KCTD8: variants seen among roughly 807,000 people sequenced by gnomAD.
KCTD8 encodes the protein BTB/POZ domain-containing protein KCTD8.
KCTD8 carries 27 observed loss-of-function variants against 31.5 expected under a neutral mutation model. The observed-to-expected ratio is 0.86, with a 90% CI of 0.63 to 1.18. The LOEUF is 1.18. KCTD8 is among the 50% of genes most tolerant of loss of function. The probability of loss-of-function intolerance (pLI) is 0.00; values close to 1 mark genes in which losing one functional copy is unlikely to be tolerated. For missense variants in KCTD8, 658 were observed against 647.7 expected (o/e 1.02, Z -0.17); for synonymous variants, 290 against 280.0 (o/e 1.04, Z -0.36).
chr4:44,242,096 A>G (rs904662341), intron 1 of KCTD8, among the ~76,000 whole-genome samples: 3 of 152,218 alleles, frequency 2.0e-5, no homozygotes, highest in African/African-American at 7.2e-5. Context: ...AAATCTGGAA[A>G]GTGAAAGGCT....
chr4:44,256,788 T>C (rs563688821), intron 1 of KCTD8, among the ~76,000 whole-genome samples: 1 of 151,980 alleles, frequency 6.6e-6, no homozygotes, highest in East Asian at 1.9e-4. Context: ...CTCTGGAAGC[T>C]GGAAAAGGCA....
intron 1 of KCTD8, among the ~76,000 whole-genome samples, chr4:44,357,766 T>C (rs1719382302): frequency 9.9e-5 from 15 of 152,054 alleles, no homozygotes; most frequent in Admixed American, 9.8e-4. Context: ...TTTTTTTTCA[T>C]ACATTGTACC....
intron 1 of KCTD8, among the ~76,000 whole-genome samples, chr4:44,187,761 G>A (rs1005398045): frequency 1.3e-5 from 2 of 152,096 alleles, no homozygotes; most frequent in East Asian, 1.9e-4. Context: ...GGTGGCTCCG[G>A]GAGGGAAAAA....
intron 1 of KCTD8, among the ~76,000 whole-genome samples, chr4:44,270,567 C>A (rs1249202828): frequency 2.6e-5 from 4 of 151,466 alleles, no homozygotes; most frequent in Non-Finnish European, 5.9e-5. Flanking sequence ...AAGAAGGTGA[C>A]CTTAGGCCTT....
intron 1 of KCTD8, among the ~76,000 whole-genome samples, chr4:44,192,937 A>G (rs1202678133): frequency 1.3e-5 from 2 of 152,168 alleles, no homozygotes; most frequent in Non-Finnish European, 2.9e-5. Flanking sequence ...CAAGTTCTTC[A>G]GCTTTGGGAC....
At chr4:44,442,174 CT>C (rs11341139) in intron 1 of KCTD8, among the ~76,000 whole-genome samples, 97,581 of 150,884 alleles carry the variant, frequency 0.65, 31,728 homozygotes, top group South Asian at 0.79. Context: ...TAAAACTGCA[CT>C]TTTTTTTTTA....
chr4:44,413,367 C>T (rs1055261755), intron 1 of KCTD8, among the ~76,000 whole-genome samples: 1 of 152,118 alleles, frequency 6.6e-6, no homozygotes, highest in African/African-American at 2.4e-5. Flanking sequence ...GTAACTGAAA[C>T]TTTAAAACAC....
At chr4:44,207,267 T>C (rs532789278) in intron 1 of KCTD8, among the ~76,000 whole-genome samples, 1 of 152,350 alleles carries the variant, frequency 6.6e-6, no homozygotes, top group East Asian at 1.9e-4. Context: ...GGTGAAGTTA[T>C]ATGAATGTTA....
intron 1 of KCTD8, among the ~76,000 whole-genome samples, chr4:44,385,768 C>A (rs939997146): frequency 2.6e-5 from 4 of 151,464 alleles, no homozygotes; most frequent in African/African-American, 4.8e-5. Context: ...GAAAAGACAA[C>A]CCACAGAATG....
At chr4:44,343,877 T>C (rs904993876) in intron 1 of KCTD8, among the ~76,000 whole-genome samples, 2 of 151,848 alleles carry the variant, frequency 1.3e-5, no homozygotes, top group African/African-American at 4.8e-5. Context: ...GTTTTGTTTT[T>C]GAGACACAGT....
At chr4:44,441,238 T>TA (rs35613521) in intron 1 of KCTD8, among the ~76,000 whole-genome samples, 58,602 of 149,938 alleles carry the variant, frequency 0.39, 12,126 homozygotes, top group South Asian at 0.56. Context: ...ATACTACTAC[T>TA]AAAAAAAAAA....
chr4:44,321,576 C>T (rs1403352857), intron 1 of KCTD8, among the ~76,000 whole-genome samples: 1 of 152,104 alleles, frequency 6.6e-6, no homozygotes, highest in Non-Finnish European at 1.5e-5. Flanking sequence ...GGGATATCCA[C>T]CACCTCAAAC....
intron 1 of KCTD8, among the ~76,000 whole-genome samples, chr4:44,368,101 T>C (rs1719689222): frequency 6.6e-6 from 1 of 151,998 alleles, no homozygotes; most frequent in African/African-American, 2.4e-5. Context: ...ATCAGGCCAG[T>C]TGTGGTGGCT....
chr4:44,175,689 TA>T (rs1713195016), intron 1 of KCTD8, among the ~76,000 whole-genome samples: 1 of 152,188 alleles, frequency 6.6e-6, no homozygotes, highest in Non-Finnish European at 1.5e-5. Flanking sequence ...TCTGCCACTG[TA>T]AAAGCAAGAA....
At chr4:44,391,671 C>A (rs1385773791) in intron 1 of KCTD8, among the ~76,000 whole-genome samples, 1 of 151,700 alleles carries the variant, frequency 6.6e-6, no homozygotes, top group Non-Finnish European at 1.5e-5. Flanking sequence ...TTCCAGTTAA[C>A]AGTGGGCTAT....
chr4:44,206,127 T>C (rs1714298543), intron 1 of KCTD8, among the ~76,000 whole-genome samples: 2 of 151,936 alleles, frequency 1.3e-5, no homozygotes, highest in African/African-American at 4.8e-5. Flanking sequence ...TATGCATTCT[T>C]GGTGAGTAAC....
At chr4:44,293,640 G>T (rs1368662134) in intron 1 of KCTD8, among the ~76,000 whole-genome samples, 1 of 151,910 alleles carries the variant, frequency 6.6e-6, no homozygotes, top group Non-Finnish European at 1.5e-5. Flanking sequence ...TAGGAATCTG[G>T]TGAGTTAGGT....
At chr4:44,297,389 A>G (rs575030420) in intron 1 of KCTD8, among the ~76,000 whole-genome samples, 136 of 152,204 alleles carry the variant, frequency 8.9e-4, no homozygotes, top group Non-Finnish European at 1.7e-3. Context: ...TGTTTCTCAG[A>G]TGTATATTTT....
At chr4:44,343,771 C>CAA (rs1449119704) in intron 1 of KCTD8, among the ~76,000 whole-genome samples, 2 of 152,052 alleles carry the variant, frequency 1.3e-5, no homozygotes, top group Non-Finnish European at 2.9e-5. Flanking sequence ...TAAACTGTAA[C>CAA]AAAAAATGTT....
Sources: gnomAD v4.1 joint callset for allele counts (sites outside exome capture counted in the v4.1 genomes callset) on GRCh38, gnomAD v4.1.1 for gene constraint, MANE v1.5 for transcripts, NCBI Gene and HGNC (gene_info 2026-07-23, HGNC 2026-07-21) for gene names.